Variants in DUS2 observed in about 807,000 individuals in gnomAD.
DUS2 encodes dihydrouridine synthase 2.
In DUS2, 52 loss-of-function variants were observed where a neutral mutation model predicts 71.3. The observed-to-expected ratio is 0.73, with a 90% CI of 0.58 to 0.92. The LOEUF (loss-of-function observed/expected upper bound fraction) is 0.92, where lower values mean the gene tolerates loss of function less well. Ranked by LOEUF, DUS2 falls within the 40% of genes least tolerant of loss-of-function variation. The pLI is 0.00. For missense variants in DUS2, 558 were observed against 622.6 expected, an observed-to-expected ratio of 0.90 and a Z score of 1.10; for synonymous variants, 204 against 227.8, an observed-to-expected ratio of 0.90 and a Z score of 0.94.
At chr16:68,047,952 T>A (rs2033728885) in intron 3 of DUS2, among the ~76,000 whole-genome samples, 1 of 152,110 alleles carries the variant, frequency 6.6e-6, no homozygotes, top group Non-Finnish European at 1.5e-5. Context: ...GGCTAATTTT[T>A]AAAAATGTTT....
chr16:68,029,294 T>C (rs1395323094), intron 2 of DUS2, among the ~76,000 whole-genome samples: 4 of 152,128 alleles, frequency 2.6e-5, no homozygotes, highest in Non-Finnish European at 5.9e-5. Context: ...GTTTTCTGTT[T>C]TTAATTTTTG....
chr16:68,044,523 G>C (rs1398413783), intron 3 of DUS2, among the ~76,000 whole-genome samples: 1 of 151,396 alleles, frequency 6.6e-6, no homozygotes, highest in East Asian at 1.9e-4. Context: ...AGCCTCCTGA[G>C]TAGCTGGGAC....
At position 68,079,008 on chromosome 16, in the gene DUS2, C is replaced by T; in HGVS notation, c.*22C>T. On this transcript the variant is annotated 3_prime_UTR_variant, in exon 17 of 17. Coordinates refer to ENST00000565263, the MANE Select transcript of DUS2 (RefSeq NM_017803.5). The stretch of plus-strand genomic sequence containing the variant: ...GTGACTACTCTTCCTGCCTTAGTCA[C>T]CCCTCCATGGGCCTGGTGCTAAGGT... 6.5e-7 allele frequency: 1 copy of T among 1,527,284 alleles called. No individual in the cohort carries two copies. Among genetic ancestry groups the T allele is most frequent in the African/African-American group, 1.4e-5 (1 of 72,510 alleles). The allele number at this position is 1,527,284 out of a possible 1,614,324, so 94.6% of individuals were successfully genotyped here. A position where few individuals can be genotyped will look rare whatever the true frequency, so the allele number is the denominator to read the frequency against.
intron 4 of DUS2, 72 bp from the exon 5 acceptor site, chr16:68,053,492 C>A: frequency 6.9e-7 from 1 of 1,458,408 alleles, no homozygotes; most frequent in South Asian, 1.1e-5. Flanking sequence ...GCTGTGTTTT[C>A]TTCCAGGGCT....
intron 6 of DUS2, among the ~76,000 whole-genome samples, chr16:68,055,529 A>G (rs1485908299): frequency 1.3e-5 from 2 of 152,122 alleles, no homozygotes; most frequent in Non-Finnish European, 2.9e-5. Context: ...CTGGTTTGCA[A>G]TTCTGGTTTT....
At chr16:68,044,459 G>A (rs2033673905) in intron 3 of DUS2, among the ~76,000 whole-genome samples, 1 of 144,314 alleles carries the variant, frequency 6.9e-6, no homozygotes, top group African/African-American at 2.6e-5. Flanking sequence ...ACAGTGACAT[G>A]ATCTCAGCTC....
chr16:68,051,985 G>A (rs2033784753), intron 4 of DUS2, among the ~76,000 whole-genome samples: 2 of 151,864 alleles, frequency 1.3e-5, no homozygotes, highest in African/African-American at 2.4e-5. Context: ...TGCAACCTCC[G>A]CCTTCCCGGC....
chr16:68,058,989 A>G (rs1168046918), intron 7 of DUS2, among the ~76,000 whole-genome samples: 1 of 152,214 alleles, frequency 6.6e-6, no homozygotes, highest in East Asian at 1.9e-4. Flanking sequence ...AGGCGGGCAG[A>G]TCACCTGAGG....
At chr16:68,032,705 C>T (rs946653321) in intron 2 of DUS2, among the ~76,000 whole-genome samples, 7 of 150,028 alleles carry the variant, frequency 4.7e-5, no homozygotes, top group Middle Eastern at 7.4e-3. Context: ...CACAGTGGCT[C>T]ACACCTGTAA....
At chr16:68,051,751 C>A (rs2033781842) in intron 4 of DUS2, among the ~76,000 whole-genome samples, 1 of 152,092 alleles carries the variant, frequency 6.6e-6, no homozygotes, top group Non-Finnish European at 1.5e-5. Context: ...AACATTGAAC[C>A]CACTAACATG....
chr16:68,040,049 T>G (rs2033598417), intron 3 of DUS2, among the ~76,000 whole-genome samples: 1 of 151,560 alleles, frequency 6.6e-6, no homozygotes. Flanking sequence ...GCGTGATGGG[T>G]AAGGTCAGGG....
chr16:68,034,976 C>T lies in DUS2; in HGVS notation c.-18-3030C>T, dbSNP rs143709551. ...AGATTGCACCACTGCACCACTCTAG[C>T]CTGGGCAACAGAGCAAGACTCTGTT... On this transcript the variant is annotated intron_variant, in intron 2 of 16. Transcript: ENST00000565263. 7.2e-5 allele frequency among the ~76,000 whole-genome samples: 11 copies of T among 152,200 alleles called. No homozygotes were observed. In the East Asian group the frequency reaches 2.1e-3, roughly 29 times the overall value.
In DUS2 at chr16:68,035,959, CAT is replaced by C. The variant is rs1158650446; in HGVS notation, c.-18-2044_-18-2043del. ...ACATACATACACATATATATACACA[CAT>C]ATGTTATATATATATATACATATAT... On this transcript the variant is annotated intron_variant, in intron 2 of 16. Transcript: ENST00000565263. Among the ~76,000 whole-genome samples the C allele has an allele frequency of 8.1e-3, 1,125 of 138,038 alleles. 23 individuals are homozygous for C. The highest frequency in any genetic ancestry group is 0.03 in the African/African-American group (1,051 of 35,198). The allele number at this position is 138,038 out of a possible 152,430, so 90.6% of individuals were successfully genotyped here.
chr16:68,030,110 T>G (rs750563873), intron 2 of DUS2, among the ~76,000 whole-genome samples: 1 of 152,034 alleles, frequency 6.6e-6, no homozygotes, highest in Non-Finnish European at 1.5e-5. Flanking sequence ...ATGGTAAAGT[T>G]TGTTTATACT....
At chr16:68,038,789 C>CCGTA (rs1210889552) in intron 3 of DUS2, among the ~76,000 whole-genome samples, 1 of 151,292 alleles carries the variant, frequency 6.6e-6, no homozygotes, top group Non-Finnish European at 1.5e-5. Flanking sequence ...GTAGCTCATG[C>CCGTA]CGTAATACTA....
At chr16:68,031,834 G>T (rs1244481256) in intron 2 of DUS2, among the ~76,000 whole-genome samples, 2 of 151,954 alleles carry the variant, frequency 1.3e-5, no homozygotes, top group Non-Finnish European at 2.9e-5. Context: ...AGCTGGGATT[G>T]CAGGTGCACA....
At chr16:68,066,875 GAC>G (rs1253667036) in intron 10 of DUS2, among the ~76,000 whole-genome samples, 1 of 152,098 alleles carries the variant, frequency 6.6e-6, no homozygotes. Context: ...GAGGTTTAGA[GAC>G]ACAGAGAGAC....
rs2033288980 is a variant in DUS2, at chr16:68,023,325, G to T, written c.-125G>T. On this transcript the variant is annotated 5_prime_UTR_variant, in exon 1 of 17. In the 5' UTR this introduces an upstream ATG that the reference lacks. Coordinates refer to ENST00000565263, the MANE Select transcript of DUS2 (RefSeq NM_017803.5). ...CTGGAGCACCGTGAGGAAGAAGCGAGGTTCTTTTTAAGAGTTCAGCTGCGA... is the reference window on the plus strand; with the variant it reads ...CTGGAGCACCGTGAGGAAGAAGCGATGTTCTTTTTAAGAGTTCAGCTGCGA... The T allele has an allele frequency of 1.6e-6, 2 of 1,227,658 alleles. No individual in the cohort carries two copies. Among genetic ancestry groups the T allele is most frequent in the African/African-American group, 1.5e-5 (1 of 64,528 alleles). 76.0% of individuals were successfully genotyped at this position (1,227,658 alleles called of 1,614,324 possible). A position where few individuals can be genotyped will look rare whatever the true frequency, so the allele number is the denominator to read the frequency against.
At chr16:68,069,490 G>T (rs1158936996) in intron 10 of DUS2, among the ~76,000 whole-genome samples, 1 of 152,220 alleles carries the variant, frequency 6.6e-6, no homozygotes, top group Non-Finnish European at 1.5e-5. Flanking sequence ...GCTGAGCACA[G>T]CTCAGGTCAG....
Sources: allele counts gnomAD v4.1 joint callset (sites outside exome capture counted in the v4.1 genomes callset), GRCh38; gene constraint gnomAD v4.1.1; transcripts MANE v1.5; gene names NCBI Gene and HGNC (gene_info 2026-07-23, HGNC 2026-07-21).